Variants in ODF2L observed in about 807,000 individuals in gnomAD.
The protein encoded by ODF2L is outer dense fiber of sperm tails 2 like.
In ODF2L, 76 loss-of-function variants were observed where a neutral mutation model predicts 86.3. That is an observed-to-expected ratio of 0.88 (90% CI 0.73 to 1.07). ODF2L has a LOEUF of 1.07. ODF2L is among the 50% of genes least tolerant of loss of function. The probability of loss-of-function intolerance (pLI) is 0.00; values close to 1 mark genes in which losing one functional copy is unlikely to be tolerated. For missense variants in ODF2L, 748 were observed against 717.4 expected (o/e 1.04, Z -0.49); for synonymous variants, 241 against 231.3 (o/e 1.04, Z -0.38).
intron 9 of ODF2L, among the ~76,000 whole-genome samples, chr1:86,371,628 A>T (rs1269239167): frequency 6.6e-6 from 1 of 152,178 alleles, no homozygotes; most frequent in African/African-American, 2.4e-5. Flanking sequence ...TTCAGGGTTC[A>T]TTATAGTGTT....
At position 86,354,866 on chromosome 1, in the gene ODF2L, GAA is replaced by G. The variant is rs751355691; in HGVS notation, c.1519-9_1519-8del. 6.9e-6 allele frequency: 10 copies of G among 1,449,014 alleles called. No homozygotes were observed. The highest frequency in any genetic ancestry group is 6.2e-5 in the Admixed American group (3 of 48,026). The allele number at this position is 1,449,014 out of a possible 1,614,324, so 89.8% of individuals were successfully genotyped here. A position where few individuals can be genotyped will look rare whatever the true frequency, so the allele number is the denominator to read the frequency against. ...GATTGTGATTTCCATCAACCTAAAA[GAA>G]AAAAAAAAGTTTTCTTAGTCATTTT... On this transcript the variant is annotated splice_polypyrimidine_tract_variant and splice_region_variant and intron_variant, in intron 14 of 17. Transcript: ENST00000317336.
rs571641505 is a variant in ODF2L, at chr1:86,363,863, G to A, written c.1144-3327C>T. The stretch of plus-strand genomic sequence containing the variant: ...TTGTGTTTAATAGAGGAGGTTACTC[G>A]GCCTTGAAAGCAGTACTCACAGTTT... On this transcript the variant is annotated intron_variant, in intron 11 of 17. Coordinates refer to ENST00000317336, the Ensembl canonical transcript of ODF2L. Among the ~76,000 whole-genome samples, 11 of 151,724 alleles carry A rather than the reference G, an allele frequency of 7.3e-5. No homozygotes were observed. In the East Asian group the frequency reaches 1.7e-3, roughly 24 times the overall value.
At chr1:86,357,776 T>C in intron 13 of ODF2L, 1 of 979,340 alleles carries the variant, frequency 1.0e-6, no homozygotes, top group Non-Finnish European at 1.2e-6. Flanking sequence ...TCTTGTTAAA[T>C]ACTAGTTAGA....
intron 14 of ODF2L, 45 bp from the exon 14 acceptor site, chr1:86,354,904 A>G (rs752502407): frequency 4.6e-5 from 48 of 1,052,284 alleles, no homozygotes; most frequent in Middle Eastern, 3.0e-4. Context: ...CTTCACAATC[A>G]ACTTCCAAAG....
intron 7 of ODF2L, among the ~76,000 whole-genome samples, chr1:86,378,513 C>T (rs977939569): frequency 4.6e-5 from 7 of 152,184 alleles, no homozygotes; most frequent in African/African-American, 1.4e-4. Context: ...TCTCACGCTG[C>T]TATAAAGAAA....
At chr1:86,362,075 G>A (rs917566334) in intron 11 of ODF2L, among the ~76,000 whole-genome samples, 11 of 152,038 alleles carry the variant, frequency 7.2e-5, no homozygotes, top group African/African-American at 2.2e-4. Flanking sequence ...AGCGGGAGGC[G>A]GCCTAGCAAG....
chr1:86,352,475 T>C lies in ODF2L; in HGVS notation c.1894-267A>G, dbSNP rs553749393. ...AAAATTATAACTTTCTAAAACAAAA[T>C]ATTCATTATTCAAGACAGATATAAA... On this transcript the variant is annotated intron_variant, in intron 17 of 17. Coordinates refer to ENST00000317336, the Ensembl canonical transcript of ODF2L. Among the ~76,000 whole-genome samples, 55 of 152,244 alleles carry C rather than the reference T, an allele frequency of 3.6e-4. 1 individual carries two copies. In the South Asian group the frequency reaches 9.3e-3, roughly 26 times the overall value.
At chr1:86,368,248 A>G (rs1208238978) in intron 11 of ODF2L, among the ~76,000 whole-genome samples, 1 of 152,166 alleles carries the variant, frequency 6.6e-6, no homozygotes, top group Non-Finnish European at 1.5e-5. Flanking sequence ...AGCTTCCTCT[A>G]TCAAACTACC....
chr1:86,351,978 A>C (rs1658169656), exon 18 of ODF2L: 2 of 1,270,948 alleles, frequency 1.6e-6, no homozygotes, highest in African/African-American at 3.1e-5. Context: ...CACATTTTAC[A>C]ATATCAGAAA....
chr1:86,380,645 T>A (rs1660517120), intron 7 of ODF2L, among the ~76,000 whole-genome samples: 1 of 152,184 alleles, frequency 6.6e-6, no homozygotes, highest in Non-Finnish European at 1.5e-5. Flanking sequence ...AATTTAAAAA[T>A]AACCTCTCAT....
chr1:86,359,069 AC>A (rs976850653), intron 12 of ODF2L, among the ~76,000 whole-genome samples, 178 bp from the exon 12 acceptor site: 7 of 152,108 alleles, frequency 4.6e-5, no homozygotes, highest in African/African-American at 1.4e-4. Context: ...ACTCTAACCC[AC>A]AATCTTTGTC....
intron 7 of ODF2L, 89 bp from the exon 8 acceptor site, chr1:86,376,507 T>C (rs1660186549): frequency 1.3e-6 from 1 of 778,340 alleles, no homozygotes; most frequent in Non-Finnish European, 2.0e-6. Flanking sequence ...CTGATATGGT[T>C]TGTGTATTAC....
Position 86,386,923 on chromosome 1 carries a change from ATGACTTTCAC to A in ODF2L, c.95_104del (p.Ser32IlefsTer5). On this transcript the variant is annotated frameshift_variant, in exon 2 of 18. Transcript: ENST00000317336. LOFTEE classifies it high-confidence loss of function. ...GATACTGATGAGAATACCAGCTGAG[ATGACTTTCAC>A]TGGTACACCGTGGTAAATCTTCTTT... 6.5e-7 allele frequency: 1 copy of A among 1,535,380 alleles called. No individual in the cohort carries two copies. Among genetic ancestry groups the A allele is most frequent in the Non-Finnish European group, 9.0e-7 (1 of 1,112,530 alleles).
chr1:86,395,872 G>GT (rs1661702514), intron 1 of ODF2L, 161 bp downstream of exon 1: 1 of 152,376 alleles, frequency 6.6e-6, no homozygotes, highest in African/African-American at 2.4e-5. Flanking sequence ...CCTGAGGGAG[G>GT]TGGAGGGTTT....
chr1:86,374,704 G>A (rs1395583845), intron 8 of ODF2L, among the ~76,000 whole-genome samples: 1 of 152,060 alleles, frequency 6.6e-6, no homozygotes, highest in Non-Finnish European at 1.5e-5. Flanking sequence ...CCACTGCATT[G>A]AAACTGCATG....
chr1:86,366,605 C>CA (rs10659852), intron 11 of ODF2L, among the ~76,000 whole-genome samples: 54,694 of 137,968 alleles, frequency 0.4, 11,125 homozygotes, highest in African/African-American at 0.5. Flanking sequence ...GACTCTGTCT[C>CA]AAAAAAAAAA....
chr1:86,362,650 C>T (rs181222608), intron 11 of ODF2L, among the ~76,000 whole-genome samples: 140 of 151,926 alleles, frequency 9.2e-4, no homozygotes, highest in Middle Eastern at 3.4e-3. Context: ...ACTATGAGGG[C>T]TCTTTGGAAT....
intron 11 of ODF2L, chr1:86,368,536 T>A (rs1659594449): frequency 8.8e-7 from 1 of 1,131,214 alleles, no homozygotes; most frequent in Non-Finnish European, 1.1e-6. Flanking sequence ...AGATAACATT[T>A]TTACCTGCCA....
At chr1:86,384,942 T>C (rs1660841423) in intron 3 of ODF2L, 141 bp from the exon 4 acceptor site, 2 of 475,652 alleles carry the variant, frequency 4.2e-6, no homozygotes, top group African/African-American at 2.0e-5. Flanking sequence ...CTACGAAATT[T>C]GTCAATAGTA....
Sources: allele counts gnomAD v4.1 joint callset (sites outside exome capture counted in the v4.1 genomes callset), GRCh38; gene constraint gnomAD v4.1.1; transcripts MANE v1.5; gene names NCBI Gene and HGNC (gene_info 2026-07-23, HGNC 2026-07-21).